ATOH8: variants seen among roughly 807,000 people sequenced by gnomAD.
The protein encoded by ATOH8 is transcription factor ATOH8.
Under a neutral mutation model 21.2 loss-of-function variants are expected in ATOH8, and 9 were observed. The ratio of observed to expected loss-of-function variants is 0.42; its 90% CI spans 0.26 to 0.74. The LOEUF (loss-of-function observed/expected upper bound fraction) is 0.74. Among genes scored for constraint, ATOH8 ranks in the 30% least tolerant of loss-of-function variants. The pLI, the probability that ATOH8 is intolerant of heterozygous loss-of-function variation, is 0.24. For synonymous variants in ATOH8, 253 were observed against 224.0 expected, an observed-to-expected ratio of 1.13 and a Z score of -1.16; for missense variants, 524 against 470.9, an observed-to-expected ratio of 1.11 and a Z score of -1.04.
At chr2:85,768,960 A>T (rs998735896) in intron 2 of ATOH8, among the ~76,000 whole-genome samples, 2 of 152,214 alleles carry the variant, frequency 1.3e-5, no homozygotes, top group Admixed American at 1.3e-4. Flanking sequence ...CTCCGGCTGC[A>T]GCCGGAGATA....
Position 85,767,344 on chromosome 2 carries a change from T to C in ATOH8, c.960+3162T>C, listed in dbSNP as rs558629521. 1.2e-3 allele frequency among the ~76,000 whole-genome samples: 181 copies of C among 152,020 alleles called. 2 individuals are homozygous for C. In the South Asian group the frequency reaches 0.02, roughly 17 times the overall value. On this transcript the variant is annotated intron_variant, in intron 2 of 2. Coordinates refer to ENST00000306279, the MANE Select transcript of ATOH8 (RefSeq NM_032827.7). ...GGAAGAGGTGACTGAGAGCATGCAC[T>C]GCTCACAGCGCTCAGTCCTGCCACA...
At position 85,754,621 on chromosome 2, in the gene ATOH8, T is replaced by C. The variant is rs1264829143; in HGVS notation, c.432T>C (p.Pro144=). ...CACCTGGGGGCCCAGAGGCACAGCC[T>C]TTCCGGGAGCCGGGTCTGCGTCCTC... ...SQAPGGPEAQ[P]FREPGLRPRI... The change falls in exon 1 of 3, where the codon CCT becomes CCC. Residue 144 remains proline, a synonymous_variant. Transcript: ENST00000306279. The C allele has an allele frequency of 2.0e-6, 3 of 1,501,928 alleles. No homozygotes were observed. The highest frequency in any genetic ancestry group is 4.5e-5 in the Admixed American group (2 of 44,384). The allele number at this position is 1,501,928 out of a possible 1,614,324, so 93.0% of individuals were successfully genotyped here.
Position 85,754,882 on chromosome 2 carries a change from G to C in ATOH8, c.693G>C (p.Arg231=), listed in dbSNP as rs773429076. 32 of 1,611,344 alleles carry C rather than the reference G, an allele frequency of 2.0e-5. No homozygotes were observed. The highest frequency in any genetic ancestry group is 3.3e-5 in the South Asian group (3 of 91,068). Residue 231 remains arginine, a synonymous_variant, in exon 1 of 3, where the codon CGG becomes CGC. Transcript: ENST00000306279. ...SSEIKALQQT[R]RLLANARERT... ...AGATCAAAGCCCTGCAGCAGACCCGGAGGCTCCTGGCGAACGCCAGGGAGC... is the reference window on the plus strand; with the variant it reads ...AGATCAAAGCCCTGCAGCAGACCCGCAGGCTCCTGGCGAACGCCAGGGAGC...
Position 85,754,136 on chromosome 2 carries a change from G to C in ATOH8, c.-54G>C. The C allele has an allele frequency of 7.0e-7, 1 of 1,422,086 alleles. No homozygotes were observed. The highest frequency in any genetic ancestry group is 9.1e-7 in the Non-Finnish European group (1 of 1,095,354). The allele number at this position is 1,422,086 out of a possible 1,614,324, so 88.1% of individuals were successfully genotyped here. ...AGAGCCAGAGACTCCTCGGCGCTGA[G>C]CGCGGCGGCGGCCCGGGCAGCCCCA... On this transcript the variant is annotated 5_prime_UTR_variant, in exon 1 of 3. Coordinates refer to ENST00000306279, the MANE Select transcript of ATOH8 (RefSeq NM_032827.7).
chr2:85,763,740 A>C, intron 1 of ATOH8, among the ~76,000 whole-genome samples: 1 of 151,896 alleles, frequency 6.6e-6, no homozygotes, highest in Non-Finnish European at 1.5e-5. Context: ...ATTCAGACTG[A>C]CTGGATGGTG....
rs1164449063 is a variant in ATOH8, at chr2:85,785,532, T to C, written c.961-1353T>C. Among the ~76,000 whole-genome samples, 1 of 152,200 alleles carries C rather than the reference T, an allele frequency of 6.6e-6. No homozygotes were observed. Among genetic ancestry groups the C allele is most frequent in the African/African-American group, 2.4e-5 (1 of 41,454 alleles). The stretch of plus-strand genomic sequence containing the variant: ...CCCCACTTCAGCCTTGCCCCAGACT[T>C]GCGTCTTGGCTGGCTGCCCCGGCCC... On this transcript the variant is annotated intron_variant, in intron 2 of 2. Coordinates refer to ENST00000306279, the MANE Select transcript of ATOH8 (RefSeq NM_032827.7). This position sits in a 1 kb window ranked among gnomAD's most constrained non-coding sequence, Gnocchi z 4.1.
intron 2 of ATOH8, among the ~76,000 whole-genome samples, chr2:85,765,753 G>GC (rs781646052): frequency 6.6e-6 from 1 of 152,188 alleles, no homozygotes; most frequent in Non-Finnish European, 1.5e-5. Flanking sequence ...TGGAGGTCCC[G>GC]CCTTCCCGGG....
At position 85,754,712 on chromosome 2, in the gene ATOH8, C is replaced by G; in HGVS notation, c.523C>G (p.Pro175Ala). The G allele has an allele frequency of 6.2e-7, 1 of 1,611,172 alleles. No individual in the cohort carries two copies. Among genetic ancestry groups the G allele is most frequent in the Non-Finnish European group, 8.5e-7 (1 of 1,179,154 alleles). Residue 175 changes from proline to alanine, a missense_variant, in exon 1 of 3, where the codon CCG (proline) becomes GCG (alanine). By Grantham distance (27) the Pro-to-Ala change is conservative. Coordinates refer to ENST00000306279, the MANE Select transcript of ATOH8 (RefSeq NM_032827.7). The stretch of plus-strand genomic sequence containing the variant: ...AGCACCCCCAGCACCGCCAGCGCCC[C>G]CGGAGTCCACTGTGCGCCCTGCGCC... Reference protein sequence around the residue: ...PSAPPAPPAPPESTVRPAPPT... With the variant: ...PSAPPAPPAPAESTVRPAPPT...
At chr2:85,776,012 C>T (rs138634872) in intron 2 of ATOH8, among the ~76,000 whole-genome samples, 2 of 152,360 alleles carry the variant, frequency 1.3e-5, no homozygotes, top group Non-Finnish European at 2.9e-5. Context: ...AATGACCTGA[C>T]TAGGCCCCCA....
chr2:85,789,104 A>G lies in ATOH8; in HGVS notation c.*2214A>G, dbSNP rs750781165. Reference sequence around the variant, plus strand: ...CAGCATCAAACTGTTGACATAGAAGACCATTTCTATTACCAAAGGGAGTGT... The same window carrying G: ...CAGCATCAAACTGTTGACATAGAAGGCCATTTCTATTACCAAAGGGAGTGT... On this transcript the variant is annotated 3_prime_UTR_variant, in exon 3 of 3. Coordinates refer to ENST00000306279, the MANE Select transcript of ATOH8 (RefSeq NM_032827.7). Among the ~76,000 whole-genome samples, 4 of 152,134 alleles carry G rather than the reference A, an allele frequency of 2.6e-5. No individual in the cohort carries two copies. Among genetic ancestry groups the G allele is most frequent in the Non-Finnish European group, 4.4e-5 (3 of 68,026 alleles).
intron 1 of ATOH8, among the ~76,000 whole-genome samples, chr2:85,759,746 G>A (rs1679810314): frequency 6.6e-6 from 1 of 152,074 alleles, no homozygotes; most frequent in Non-Finnish European, 1.5e-5. Context: ...TCATCTGTGT[G>A]TAGTGGATGT....
At position 85,789,317 on chromosome 2, in the gene ATOH8, T is replaced by A. The variant is rs1303865576; in HGVS notation, c.*2427T>A. Reference sequence around the variant, plus strand: ...AGTGGGAATGAAGAGATGGATCTTGTGTCATGCATGGCATCACGGAGCTCT... The same window carrying A: ...AGTGGGAATGAAGAGATGGATCTTGAGTCATGCATGGCATCACGGAGCTCT... On this transcript the variant is annotated 3_prime_UTR_variant, in exon 3 of 3. Coordinates refer to ENST00000306279, the MANE Select transcript of ATOH8 (RefSeq NM_032827.7). Among the ~76,000 whole-genome samples, 1 of 152,218 alleles carries A rather than the reference T, an allele frequency of 6.6e-6. No homozygotes were observed. Among genetic ancestry groups the A allele is most frequent in the Non-Finnish European group, 1.5e-5 (1 of 68,042 alleles).
chr2:85,770,001 CT>C (rs772523799), intron 2 of ATOH8, among the ~76,000 whole-genome samples: 7 of 152,236 alleles, frequency 4.6e-5, no homozygotes, highest in Non-Finnish European at 1.0e-4. Context: ...TGACTGACCC[CT>C]GTGTTACTTC....
rs1021377758 is a variant in ATOH8 at position 85,781,152 on chromosome 2, C to T, written c.961-5733C>T. ...GCTTGTACAGCGTAATTCCACTTTT[C>T]GTAAAATACTGTATGTGAGTACGCA... On this transcript the variant is annotated intron_variant, in intron 2 of 2. Coordinates refer to ENST00000306279, the MANE Select transcript of ATOH8 (RefSeq NM_032827.7). 7.9e-6 allele frequency: 7 copies of T among 890,802 alleles called. No homozygotes were observed. The South Asian group carries it at 2.6e-4, about 33-fold the overall frequency. 55.2% of individuals were successfully genotyped at this position (890,802 alleles called of 1,614,324 possible). A position where few individuals can be genotyped will look rare whatever the true frequency, so the allele number is the denominator to read the frequency against.
Position 85,775,021 on chromosome 2 carries a change from C to T in ATOH8, c.960+10839C>T, listed in dbSNP as rs1445393263. On this transcript the variant is annotated intron_variant, in intron 2 of 2. Coordinates refer to ENST00000306279, the MANE Select transcript of ATOH8 (RefSeq NM_032827.7). ...ATTCAGGAGAGCATCATGTGATATG[C>T]TTTTAAAGTAATGAGTTAAAATGTT... is the stretch of plus-strand genomic sequence containing the variant. 1.1e-5 allele frequency: 11 copies of T among 985,282 alleles called. No homozygotes were observed. The East Asian group carries it at 1.2e-3, about 112-fold the overall frequency. The allele number at this position is 985,282 out of a possible 1,614,324, so 61.0% of individuals were successfully genotyped here. A position where few individuals can be genotyped will look rare whatever the true frequency, so the allele number is the denominator to read the frequency against.
intron 2 of ATOH8, among the ~76,000 whole-genome samples, chr2:85,780,036 G>A (rs981251342): frequency 6.6e-6 from 1 of 152,216 alleles, no homozygotes; most frequent in Non-Finnish European, 1.5e-5. Flanking sequence ...GGAGGCACCT[G>A]TTGTCCCCAC....
At chr2:85,776,566 C>A (rs1011375762) in intron 2 of ATOH8, among the ~76,000 whole-genome samples, 3 of 152,170 alleles carry the variant, frequency 2.0e-5, no homozygotes, top group Non-Finnish European at 4.4e-5. Context: ...CATGCACACA[C>A]GCAGGTGTGC....
At position 85,754,674 on chromosome 2, in the gene ATOH8, G is replaced by A. The variant is rs75293225; in HGVS notation, c.485G>A (p.Arg162His). The A allele has an allele frequency of 0.038, 59,134 of 1,561,028 alleles. 7,334 individuals carry two copies. Among genetic ancestry groups the A allele is most frequent in the African/African-American group, 0.38 (27,694 of 73,400 alleles). ...PRILLCAPPA[R>H]PAPSAPPAPP... ...ATCTTGCTGTGCGCACCGCCCGCGC[G>A]CCCCGCGCCGTCAGCACCCCCAGCA... Residue 162 changes from arginine (R) to histidine (H), a missense_variant, in exon 1 of 3, where the codon CGC becomes CAC. Transcript: ENST00000306279.
rs1411211294 is a variant in ATOH8, at chr2:85,789,600, G to A, written c.*2710G>A. Among the ~76,000 whole-genome samples the A allele has an allele frequency of 3.9e-5, 6 of 152,166 alleles. No homozygotes were observed. Among genetic ancestry groups the A allele is most frequent in the Non-Finnish European group, 8.8e-5 (6 of 68,038 alleles). ...CTGGCAGGAAATTGGAATCACCCAA[G>A]GAGATTATTAAATATTAAATATTGA... On this transcript the variant is annotated 3_prime_UTR_variant, in exon 3 of 3. Coordinates refer to ENST00000306279, the MANE Select transcript of ATOH8 (RefSeq NM_032827.7).
Sources: allele counts gnomAD v4.1 joint callset (sites outside exome capture counted in the v4.1 genomes callset), GRCh38; gene constraint gnomAD v4.1.1; non-coding constraint Gnocchi (gnomAD v3.1); transcripts MANE v1.5; gene names NCBI Gene and HGNC (gene_info 2026-07-23, HGNC 2026-07-21).